The following EYS variants were observed in gnomAD, a reference collection of about 807,000 sequenced individuals.
EYS encodes protein eyes shut homolog.
EYS carries 250 observed loss-of-function variants against 282.1 expected under a neutral mutation model. The observed-to-expected ratio is 0.89, with a 90% CI of 0.80 to 0.98. The LOEUF is 0.98. EYS is among the 50% of genes least tolerant of loss of function. The pLI is 0.00. For missense variants in EYS, 4,016 were observed against 3,709.0 expected, an observed-to-expected ratio of 1.08 and a Z score of -2.15; for synonymous variants, 1,355 against 1,282.9, an observed-to-expected ratio of 1.06 and a Z score of -1.20.
intron 26 of EYS, among the ~76,000 whole-genome samples, chr6:64,548,486 T>G (rs879128806): frequency 2.6e-5 from 4 of 152,150 alleles, no homozygotes; most frequent in African/African-American, 9.7e-5. Context: ...CACCATGGAA[T>G]GCTATTCAGT....
intron 33 of EYS, among the ~76,000 whole-genome samples, chr6:64,013,665 T>G (rs1582132297): frequency 6.6e-6 from 1 of 151,380 alleles, no homozygotes; most frequent in Non-Finnish European, 1.5e-5. Context: ...CACCCCACCC[T>G]TTTTTTTTCC....
intron 32 of EYS, 31 bp downstream of exon 32, chr6:64,081,825 A>T: frequency 7.0e-7 from 1 of 1,423,680 alleles, no homozygotes. Flanking sequence ...AAGAAACATG[A>T]CATACAAGAA....
At chr6:65,023,811 A>C (rs1424215199) in intron 13 of EYS, among the ~76,000 whole-genome samples, 2 of 152,236 alleles carry the variant, frequency 1.3e-5, no homozygotes, top group African/African-American at 4.8e-5. Flanking sequence ...GCAGTAGGGT[A>C]GTCAAACAGA....
chr6:64,744,400 A>G (rs1348590660), intron 22 of EYS, among the ~76,000 whole-genome samples: 1 of 152,164 alleles, frequency 6.6e-6, no homozygotes, highest in African/African-American at 2.4e-5. Flanking sequence ...TGTATTCAAG[A>G]GACCCAATCA....
chr6:64,380,272 AT>A (rs1459298045), intron 29 of EYS, among the ~76,000 whole-genome samples: 1 of 152,156 alleles, frequency 6.6e-6, no homozygotes, highest in Non-Finnish European at 1.5e-5. Flanking sequence ...AAATGTGTTA[AT>A]TTGTGTTTGG....
At position 64,696,462 on chromosome 6, in the gene EYS, C is replaced by T. The variant is rs566512108; in HGVS notation, c.3444-70217G>A. ...CTATTTAAGAAAAAGCTTTCTTAGT[C>T]TAGCATGAGATTTAGACATCCAGAT... On this transcript the variant is annotated intron_variant, in intron 22 of 42. Transcript: ENST00000503581. 4.6e-5 allele frequency among the ~76,000 whole-genome samples: 7 copies of T among 152,260 alleles called. No individual in the cohort carries two copies. The East Asian group carries it at 1.4e-3, about 29-fold the overall frequency.
chr6:64,351,453 CATCT>C (rs1438306974), intron 29 of EYS, among the ~76,000 whole-genome samples: 1 of 151,376 alleles, frequency 6.6e-6, no homozygotes, highest in Non-Finnish European at 1.5e-5. Context: ...ATCTATCAAT[CATCT>C]ATCTACTTGT....
intron 12 of EYS, among the ~76,000 whole-genome samples, chr6:65,285,529 A>G (rs1212039939): frequency 6.6e-6 from 1 of 151,998 alleles, no homozygotes; most frequent in East Asian, 1.9e-4. Context: ...GAAGTGCCCT[A>G]ACAGCAAGAA....
chr6:63,926,819 A>G (rs770091268), intron 35 of EYS, among the ~76,000 whole-genome samples: 2 of 152,240 alleles, frequency 1.3e-5, no homozygotes, highest in Non-Finnish European at 2.9e-5. Flanking sequence ...ACTATTACGT[A>G]CAAATTAACA....
chr6:64,785,973 C>T (rs1774004361), intron 22 of EYS, among the ~76,000 whole-genome samples: 1 of 152,100 alleles, frequency 6.6e-6, no homozygotes, highest in Non-Finnish European at 1.5e-5. Flanking sequence ...ATAAGAATTC[C>T]TGTTGTGTGT....
At chr6:64,370,908 T>C (rs1772346389) in intron 29 of EYS, among the ~76,000 whole-genome samples, 1 of 152,040 alleles carries the variant, frequency 6.6e-6, no homozygotes, top group Non-Finnish European at 1.5e-5. Context: ...GGATCTTCTG[T>C]TTTTCTTCAT....
Position 64,617,501 on chromosome 6 carries a change from C to T in EYS, c.3601G>A (p.Glu1201Lys). 1.3e-6 allele frequency: 2 copies of T among 1,550,538 alleles called. No individual in the cohort carries two copies. Among genetic ancestry groups the T allele is most frequent in the Non-Finnish European group, 1.7e-6 (2 of 1,146,068 alleles). ...TGAACACATGAGTTGGGAATGCACT[C>T]AAGCTCATTCTCACAGTGGTGTCCA... The part of the protein sequence containing the change: ...WSGHHCENEL[E>K]CIPNSCVHEL... The change falls in exon 24 of 43, where the codon GAG becomes AAG. Residue 1201 changes from glutamate (E) to lysine (K), a missense_variant. By Grantham distance (56) the Glu-to-Lys change is moderately conservative. Coordinates refer to ENST00000503581, the MANE Select transcript of EYS (RefSeq NM_001142800.2).
intron 29 of EYS, among the ~76,000 whole-genome samples, chr6:64,348,120 G>A (rs1582635430): frequency 6.6e-6 from 1 of 151,430 alleles, no homozygotes; most frequent in East Asian, 2.0e-4. Flanking sequence ...AGAACTGATT[G>A]AGAAATTATT....
intron 8 of EYS, among the ~76,000 whole-genome samples, chr6:65,383,552 A>G (rs548517262): frequency 6.6e-6 from 1 of 150,724 alleles, no homozygotes; most frequent in East Asian, 2.0e-4. Flanking sequence ...TGTTGTATTT[A>G]TTTTTCTTGT....
chr6:64,453,679 A>G (rs1342053452), intron 26 of EYS, among the ~76,000 whole-genome samples: 1 of 152,194 alleles, frequency 6.6e-6, no homozygotes, highest in Non-Finnish European at 1.5e-5. Flanking sequence ...ATGCAGCCAT[A>G]AAAAATGATG....
chr6:65,018,806 C>A (rs550224173), intron 13 of EYS, among the ~76,000 whole-genome samples: 1 of 152,002 alleles, frequency 6.6e-6, no homozygotes, highest in South Asian at 2.1e-4. Flanking sequence ...TATATGCATA[C>A]CCTGTGTGCA....
At chr6:64,578,134 G>A (rs978699794) in intron 26 of EYS, among the ~76,000 whole-genome samples, 2 of 151,938 alleles carry the variant, frequency 1.3e-5, no homozygotes, top group Non-Finnish European at 2.9e-5. Flanking sequence ...CACACACACT[G>A]ATCTGTTCTC....
intron 22 of EYS, among the ~76,000 whole-genome samples, chr6:64,707,130 C>T (rs1014389375): frequency 1.3e-5 from 2 of 149,476 alleles, no homozygotes; most frequent in East Asian, 2.0e-4. Context: ...CACACACACA[C>T]ATATATATAT....
chr6:65,702,734 T>C (rs1431257772), intron 1 of EYS, among the ~76,000 whole-genome samples: 1 of 151,514 alleles, frequency 6.6e-6, no homozygotes, highest in African/African-American at 2.4e-5. Context: ...TAAAATAAAA[T>C]ATATAAGGCA....
Sources: gnomAD v4.1 joint callset for allele counts (sites outside exome capture counted in the v4.1 genomes callset) on GRCh38, gnomAD v4.1.1 for gene constraint, MANE v1.5 for transcripts, NCBI Gene and HGNC (gene_info 2026-07-23, HGNC 2026-07-21) for gene names.